SNX29: variants seen among roughly 807,000 people sequenced by gnomAD.
SNX29 encodes sorting nexin 29, also known as sorting nexin-29.
Under a neutral mutation model 102.1 loss-of-function variants are expected in SNX29, and 78 were observed. The ratio of observed to expected loss-of-function variants is 0.76; its 90% CI spans 0.64 to 0.92. The LOEUF (loss-of-function observed/expected upper bound fraction) is 0.92. SNX29 is among the 40% of genes least tolerant of loss of function. SNX29 has a pLI of 0.00. For synonymous variants in SNX29, 580 were observed against 414.5 expected, an observed-to-expected ratio of 1.40 and a Z score of -4.85; for missense variants, 1,280 against 1,061.7, an observed-to-expected ratio of 1.21 and a Z score of -2.86.
chr16:12,028,907 C>T (rs2057265328), intron 4 of SNX29, among the ~76,000 whole-genome samples: 1 of 151,840 alleles, frequency 6.6e-6, no homozygotes, highest in South Asian at 2.1e-4. Flanking sequence ...CACCACCATG[C>T]CTGGCTAGTT....
At chr16:12,265,217 G>A (rs563354321) in intron 14 of SNX29, among the ~76,000 whole-genome samples, 42 of 152,262 alleles carry the variant, frequency 2.8e-4, no homozygotes, top group African/African-American at 8.7e-4. Flanking sequence ...ACAGCTGTCC[G>A]CATGTTTTAT....
intron 20 of SNX29, among the ~76,000 whole-genome samples, chr16:12,533,386 C>G (rs928364848): frequency 6.6e-6 from 1 of 152,182 alleles, no homozygotes; most frequent in Admixed American, 6.5e-5. Context: ...GTCATGGAGT[C>G]TTTCGCCCCT....
At chr16:12,554,601 G>C (rs2078206854) in intron 20 of SNX29, among the ~76,000 whole-genome samples, 1 of 152,194 alleles carries the variant, frequency 6.6e-6, no homozygotes, top group African/African-American at 2.4e-5. Flanking sequence ...TCCCAAGCCA[G>C]AGGAGCTCAC....
At chr16:12,427,159 C>T (rs1174564576) in intron 18 of SNX29, among the ~76,000 whole-genome samples, 1 of 151,916 alleles carries the variant, frequency 6.6e-6, no homozygotes, top group East Asian at 1.9e-4. Context: ...TTGGGGTCTG[C>T]AGAGCCTAGC....
chr16:12,169,890 C>G (rs2076105555), intron 13 of SNX29, among the ~76,000 whole-genome samples: 1 of 151,936 alleles, frequency 6.6e-6, no homozygotes, highest in African/African-American at 2.4e-5. Context: ...ATTATCCTGC[C>G]TCGGCCTCCC....
At chr16:12,331,088 T>C (rs778106489) in intron 15 of SNX29, among the ~76,000 whole-genome samples, 2 of 152,220 alleles carry the variant, frequency 1.3e-5, no homozygotes, top group African/African-American at 2.4e-5. Flanking sequence ...GGGCTGTGGA[T>C]TGCACCCCAT....
intron 13 of SNX29, among the ~76,000 whole-genome samples, chr16:12,158,177 G>C (rs895906855): frequency 1.1e-4 from 17 of 151,904 alleles, no homozygotes; most frequent in Admixed American, 1.0e-3. Context: ...CTCCCAGGTA[G>C]AGCACTTTTA....
chr16:12,250,981 G>C (rs900911389), intron 14 of SNX29, among the ~76,000 whole-genome samples: 2 of 152,228 alleles, frequency 1.3e-5, no homozygotes, highest in African/African-American at 4.8e-5. Flanking sequence ...GCTGCTGGCT[G>C]CTCCTCAGAG....
chr16:12,455,968 G>A (rs559058296), intron 18 of SNX29, among the ~76,000 whole-genome samples: 3 of 152,098 alleles, frequency 2.0e-5, no homozygotes, highest in African/African-American at 7.2e-5. Context: ...CTTGGTTCTT[G>A]CCCTCAAGGA....
intron 20 of SNX29, among the ~76,000 whole-genome samples, chr16:12,542,343 C>G (rs942903275): frequency 3.4e-4 from 51 of 152,200 alleles, no homozygotes; most frequent in South Asian, 2.1e-4. Flanking sequence ...AAGAGATTGT[C>G]TCAAAAGAAA....
At chr16:12,273,817 G>A (rs780113788) in intron 14 of SNX29, among the ~76,000 whole-genome samples, 1 of 152,110 alleles carries the variant, frequency 6.6e-6, no homozygotes, top group African/African-American at 2.4e-5. Flanking sequence ...TGGACATTTC[G>A]TGTACGTGGG....
At chr16:12,257,994 C>T (rs2078624949) in intron 14 of SNX29, among the ~76,000 whole-genome samples, 1 of 152,182 alleles carries the variant, frequency 6.6e-6, no homozygotes, top group Admixed American at 6.5e-5. Flanking sequence ...ACTGCTATCG[C>T]CTGGGTCAGG....
intron 20 of SNX29, among the ~76,000 whole-genome samples, chr16:12,545,011 G>A (rs2077523013): frequency 6.6e-6 from 1 of 152,220 alleles, no homozygotes; most frequent in African/African-American, 2.4e-5. Flanking sequence ...CTAGGAAGCA[G>A]CAGATGTCGG....
intron 3 of SNX29, among the ~76,000 whole-genome samples, chr16:12,013,500 A>AAAAAAAAATATATATATAT: frequency 6.3e-5 from 2 of 31,630 alleles, no homozygotes; most frequent in African/African-American, 9.8e-5. Context: ...AAAAAAAAAA[A>AAAAAAAAATATATATATAT]ATATATATAT....
intron 18 of SNX29, among the ~76,000 whole-genome samples, chr16:12,463,151 C>T (rs934723472): frequency 3.3e-5 from 5 of 152,186 alleles, no homozygotes; most frequent in African/African-American, 2.4e-5. Flanking sequence ...CGTCAGCGGT[C>T]GTTGTCGCTC....
At chr16:12,236,751 C>A (rs1377803263) in intron 14 of SNX29, among the ~76,000 whole-genome samples, 4 of 152,214 alleles carry the variant, frequency 2.6e-5, no homozygotes, top group African/African-American at 9.6e-5. Context: ...TCTCCCTTGG[C>A]CCTGTGCTGA....
intron 18 of SNX29, among the ~76,000 whole-genome samples, chr16:12,410,610 T>C (rs772996412): frequency 3.3e-5 from 5 of 151,974 alleles, no homozygotes; most frequent in Non-Finnish European, 5.9e-5. Flanking sequence ...AATGCCCATA[T>C]TTTTGAAGAG....
Position 12,433,706 on chromosome 16 carries a change from C to G in SNX29, c.2037+30177C>G, listed in dbSNP as rs528173565. On this transcript the variant is annotated intron_variant, in intron 18 of 20. Coordinates refer to ENST00000566228, the MANE Select transcript of SNX29 (RefSeq NM_032167.5). ...GGGCATGGTGGTGCGTGCCTGTAAT[C>G]CCAGGTACTTCGGAGGCTGAGACAC... is the stretch of plus-strand genomic sequence containing the variant. Among the ~76,000 whole-genome samples, 26 of 151,488 alleles carry G rather than the reference C, an allele frequency of 1.7e-4. 1 individual carries two copies. In the South Asian group the frequency reaches 4.4e-3, roughly 26 times the overall value.
intron 11 of SNX29, among the ~76,000 whole-genome samples, chr16:12,084,335 AG>A (rs1416648534): frequency 1.3e-5 from 2 of 152,140 alleles, no homozygotes; most frequent in Admixed American, 6.5e-5. Context: ...TAGTAGAGGC[AG>A]GGTTTCACCA....
Sources: allele counts gnomAD v4.1 joint callset (sites outside exome capture counted in the v4.1 genomes callset), GRCh38; gene constraint gnomAD v4.1.1; transcripts MANE v1.5; gene names NCBI Gene and HGNC (gene_info 2026-07-23, HGNC 2026-07-21).